RANBP17: variants seen among roughly 807,000 people sequenced by gnomAD.
RANBP17 encodes the protein RAN binding protein 17.
In RANBP17, 158 loss-of-function variants were observed where a neutral mutation model predicts 141.2. That is an observed-to-expected ratio of 1.12 (90% confidence interval 0.98 to 1.28). The LOEUF (loss-of-function observed/expected upper bound fraction) is 1.28. Ranked by LOEUF, RANBP17 falls within the 50% of genes most tolerant of loss-of-function variation. The pLI is 0.00. For missense variants in RANBP17, 1,438 were observed against 1,290.7 expected, an observed-to-expected ratio of 1.11 and a Z score of -1.75; for synonymous variants, 430 against 450.0, an observed-to-expected ratio of 0.96 and a Z score of 0.56.
At chr5:170,893,674 TC>T (rs1769848937) in intron 4 of RANBP17, among the ~76,000 whole-genome samples, 1 of 151,890 alleles carries the variant, frequency 6.6e-6, no homozygotes, top group Non-Finnish European at 1.5e-5. Context: ...GCGCCTGTAG[TC>T]CCAGCTACTC....
At chr5:171,001,940 T>C (rs1300513872) in intron 14 of RANBP17, among the ~76,000 whole-genome samples, 2 of 152,022 alleles carry the variant, frequency 1.3e-5, no homozygotes, top group Non-Finnish European at 2.9e-5. Context: ...TATTTTAGTT[T>C]CCTGACTCGA....
intron 12 of RANBP17, among the ~76,000 whole-genome samples, chr5:170,936,445 A>G (rs2127467491): frequency 6.6e-6 from 1 of 152,288 alleles, no homozygotes; most frequent in African/African-American, 2.4e-5. Context: ...ATTTTCATTT[A>G]AAGATAATTT....
intron 12 of RANBP17, among the ~76,000 whole-genome samples, chr5:170,930,800 C>T (rs1773309948): frequency 6.6e-6 from 1 of 152,124 alleles, no homozygotes; most frequent in Non-Finnish European, 1.5e-5. Flanking sequence ...TTTCTTAATC[C>T]AGTCTACCAT....
At chr5:170,922,625 C>T (rs1028637286) in intron 11 of RANBP17, among the ~76,000 whole-genome samples, 2 of 152,208 alleles carry the variant, frequency 1.3e-5, no homozygotes, top group African/African-American at 4.8e-5. Flanking sequence ...CCCACTGAGC[C>T]AGGCACAGGA....
At chr5:170,958,954 A>G (rs544483543) in intron 13 of RANBP17, among the ~76,000 whole-genome samples, 2 of 152,262 alleles carry the variant, frequency 1.3e-5, no homozygotes, top group South Asian at 4.1e-4. Flanking sequence ...CATCCTGTTA[A>G]CTCATTTATG....
At chr5:171,081,979 T>G (rs1561631865) in intron 14 of RANBP17, among the ~76,000 whole-genome samples, 1 of 152,172 alleles carries the variant, frequency 6.6e-6, no homozygotes, top group Non-Finnish European at 1.5e-5. Context: ...ACTCTAAAAT[T>G]GTGTAACTTT....
intron 14 of RANBP17, among the ~76,000 whole-genome samples, chr5:170,982,343 C>T (rs1777829653): frequency 6.6e-6 from 1 of 152,100 alleles, no homozygotes; most frequent in Non-Finnish European, 1.5e-5. Flanking sequence ...TTGAGTAACT[C>T]ATTCTGATAA....
chr5:171,069,985 T>G (rs1240811064), intron 14 of RANBP17, among the ~76,000 whole-genome samples: 1 of 152,160 alleles, frequency 6.6e-6, no homozygotes, highest in East Asian at 1.9e-4. Context: ...TAATATAATA[T>G]TATCAAGAAT....
At chr5:171,156,420 G>A (rs551339077) in intron 14 of RANBP17, among the ~76,000 whole-genome samples, 5 of 152,068 alleles carry the variant, frequency 3.3e-5, no homozygotes, top group Non-Finnish European at 7.4e-5. Flanking sequence ...TTATTTAGAT[G>A]TTTTTAAAAT....
intron 14 of RANBP17, among the ~76,000 whole-genome samples, chr5:171,169,767 C>T (rs531269569): frequency 1.3e-5 from 2 of 151,564 alleles, no homozygotes; most frequent in Admixed American, 6.6e-5. Context: ...AGTGTTGGAA[C>T]CTTTTGTTGA....
At chr5:171,165,656 A>G (rs1296044155) in intron 14 of RANBP17, among the ~76,000 whole-genome samples, 1 of 152,152 alleles carries the variant, frequency 6.6e-6, no homozygotes, top group Non-Finnish European at 1.5e-5. Flanking sequence ...ACAATATACC[A>G]CTGGAGATGT....
intron 24 of RANBP17, among the ~76,000 whole-genome samples, chr5:171,259,494 A>T (rs949590526): frequency 1.1e-4 from 17 of 152,242 alleles, no homozygotes; most frequent in African/African-American, 3.9e-4. Flanking sequence ...ATGAATGGAT[A>T]AAGAAAATGT....
At chr5:170,958,570 A>G (rs1485799054) in intron 13 of RANBP17, among the ~76,000 whole-genome samples, 1 of 152,210 alleles carries the variant, frequency 6.6e-6, no homozygotes, top group East Asian at 1.9e-4. Context: ...TAAAATTACA[A>G]AAAAAATCAC....
rs574205170 is a variant in RANBP17 at position 171,147,942 on chromosome 5, T to C, written c.1711-22188T>C. ...TGATGACAATGGCGGTTTTGTGGAA[T>C]AGAAAGGCGGGAAAGGTGGGCAAAA... On this transcript the variant is annotated intron_variant, in intron 14 of 27. Coordinates refer to ENST00000523189, the MANE Select transcript of RANBP17 (RefSeq NM_022897.5). Among the ~76,000 whole-genome samples, 115 of 152,222 alleles carry C rather than the reference T, an allele frequency of 7.6e-4. 1 individual carries two copies. Among genetic ancestry groups the C allele is most frequent in the African/African-American group, 2.7e-3 (114 of 41,560 alleles).
chr5:171,021,726 GC>G (rs1780869716), intron 14 of RANBP17, among the ~76,000 whole-genome samples: 1 of 152,062 alleles, frequency 6.6e-6, no homozygotes, highest in Non-Finnish European at 1.5e-5. Context: ...TGCTCTTTTA[GC>G]TCAGCATAGT....
intron 16 of RANBP17, among the ~76,000 whole-genome samples, chr5:171,174,791 T>C (rs1009776408): frequency 3.3e-5 from 5 of 151,086 alleles, no homozygotes; most frequent in Non-Finnish European, 5.9e-5. Context: ...TGTGTGTGTG[T>C]GTATTTTGAG....
At chr5:170,879,756 A>G (rs537522533) in intron 2 of RANBP17, among the ~76,000 whole-genome samples, 10 of 152,288 alleles carry the variant, frequency 6.6e-5, no homozygotes, top group African/African-American at 2.4e-4. Context: ...AAAAAATAGC[A>G]GTAAAAACTT....
At chr5:170,941,442 G>A (rs2127475582) in intron 12 of RANBP17, among the ~76,000 whole-genome samples, 1 of 152,144 alleles carries the variant, frequency 6.6e-6, no homozygotes, top group East Asian at 1.9e-4. Context: ...AATCATTCTT[G>A]CTATTTCCAG....
intron 14 of RANBP17, among the ~76,000 whole-genome samples, chr5:171,118,650 G>A (rs1755811422): frequency 1.3e-5 from 2 of 151,992 alleles, no homozygotes; most frequent in Admixed American, 6.5e-5. Flanking sequence ...TTTGTAGCTA[G>A]TATTGTAAAT....
Sources: allele counts gnomAD v4.1 joint callset (sites outside exome capture counted in the v4.1 genomes callset), GRCh38; gene constraint gnomAD v4.1.1; transcripts MANE v1.5; gene names NCBI Gene and HGNC (gene_info 2026-07-23, HGNC 2026-07-21).